The following ELP3 variants were observed in gnomAD, a reference collection of about 807,000 sequenced individuals.
The protein encoded by ELP3 is elongator complex protein 3.
In ELP3, 56 loss-of-function variants were observed where a neutral mutation model predicts 74.9. That is an observed-to-expected ratio of 0.75 (90% confidence interval 0.60 to 0.93). The LOEUF (loss-of-function observed/expected upper bound fraction) is 0.93. Among genes scored for constraint, ELP3 ranks in the 40% least tolerant of loss-of-function variants. The pLI is 0.00. For synonymous variants in ELP3, 222 were observed against 239.8 expected, an observed-to-expected ratio of 0.93 and a Z score of 0.68; for missense variants, 573 against 686.5, an observed-to-expected ratio of 0.83 and a Z score of 1.85.
chr8:28,125,759 C>CTTTTTT (rs755484214), intron 7 of ELP3, among the ~76,000 whole-genome samples: 482 of 91,850 alleles, frequency 5.2e-3, no homozygotes, highest in East Asian at 8.8e-3. Flanking sequence ...AGTCATTTCT[C>CTTTTTT]TTTTTTTTTT....
At chr8:28,092,889 A>G (rs1001497091), upstream of ELP3, 3 of 390,400 alleles carry the variant, frequency 7.7e-6, no homozygotes, top group Non-Finnish European at 1.4e-5. Context: ...CGCAGCCTCT[A>G]TCCAGGAACT....
intron 10 of ELP3, among the ~76,000 whole-genome samples, chr8:28,139,682 C>T (rs1276318352): frequency 1.3e-5 from 2 of 152,050 alleles, no homozygotes; most frequent in Non-Finnish European, 2.9e-5. Context: ...TGGTGGCTCA[C>T]GCCTGCAATC....
At chr8:28,151,476 C>T (rs1266560528) in intron 10 of ELP3, among the ~76,000 whole-genome samples, 2 of 152,118 alleles carry the variant, frequency 1.3e-5, no homozygotes, top group Admixed American at 6.6e-5. Flanking sequence ...GTATCTTTTG[C>T]CTTTTGGTAT....
intron 7 of ELP3, among the ~76,000 whole-genome samples, chr8:28,114,002 G>A (rs1450850665): frequency 3.9e-5 from 6 of 152,032 alleles, no homozygotes; most frequent in African/African-American, 2.4e-5. Context: ...CTTGTTTTTA[G>A]CAAGAAGAAT....
At chr8:28,151,764 G>GT (rs1813649887) in intron 10 of ELP3, among the ~76,000 whole-genome samples, 2 of 152,188 alleles carry the variant, frequency 1.3e-5, no homozygotes, top group Non-Finnish European at 2.9e-5. Flanking sequence ...TGGTTAACTA[G>GT]TTTCTCCTGC....
chr8:28,188,658 C>G (rs1391094371), intron 14 of ELP3, among the ~76,000 whole-genome samples: 6 of 152,242 alleles, frequency 3.9e-5, no homozygotes, highest in Non-Finnish European at 8.8e-5. Context: ...GGGACCCTCC[C>G]AGACCTCACC....
upstream of ELP3, chr8:28,092,948 C>A: frequency 3.3e-6 from 2 of 607,978 alleles, no homozygotes; most frequent in Non-Finnish European, 5.9e-6. Context: ...CCCCAAGATG[C>A]CACTCCGTTC....
chr8:28,156,478 C>T (rs1813833353), intron 11 of ELP3, among the ~76,000 whole-genome samples: 1 of 152,160 alleles, frequency 6.6e-6, no homozygotes, highest in Non-Finnish European at 1.5e-5. Flanking sequence ...CTTCTTCGCT[C>T]ACAGATATTT....
Position 28,158,627 on chromosome 8 carries a change from A to G in ELP3, c.1251A>G (p.Pro417=). Residue 417 remains proline (P), a synonymous_variant, in exon 12 of 15, where the codon CCA becomes CCG. Transcript: ENST00000256398. ...AAGAAATTCATCACAAAGTACGGCC[A>G]TACCAGGTTAGTCTCTTCATGTCAT... The part of the protein sequence containing the change: ...GIQEIHHKVR[P]YQVELVRRDY... 1 of 1,611,108 alleles carries G rather than the reference A, an allele frequency of 6.2e-7. No homozygotes were observed.
chr8:28,138,128 G>A (rs558748608), intron 10 of ELP3, among the ~76,000 whole-genome samples: 16 of 152,200 alleles, frequency 1.1e-4, no homozygotes, highest in African/African-American at 2.6e-4. Context: ...GAGCCATGAC[G>A]GTCAATAGGC....
chr8:28,189,653 C>T lies in ELP3; in HGVS notation c.1572C>T (p.Val524=), dbSNP rs767591693. ...TTAACTTCGATTTTTCTGCAGGGGT[C>T]GGCACCAGGAATTATTATAGAAAGA... The part of the protein sequence containing the change: ...GSGKIAVISG[V]GTRNYYRKIG... The change falls in exon 15 of 15, where the codon GTC becomes GTT. Residue 524 remains valine, a synonymous_variant. Transcript: ENST00000256398. The T allele has an allele frequency of 5.6e-6, 9 of 1,613,744 alleles. No individual in the cohort carries two copies. Among genetic ancestry groups the T allele is most frequent in the African/African-American group, 2.7e-5 (2 of 74,844 alleles).
intron 14 of ELP3, among the ~76,000 whole-genome samples, chr8:28,179,358 C>A (rs1814902195): frequency 6.6e-6 from 1 of 152,184 alleles, no homozygotes; most frequent in Non-Finnish European, 1.5e-5. Context: ...AGTTTGCACA[C>A]ATTGTTTTCT....
chr8:28,149,428 T>G (rs1417590584), intron 10 of ELP3, among the ~76,000 whole-genome samples: 1 of 152,252 alleles, frequency 6.6e-6, no homozygotes, highest in African/African-American at 2.4e-5. Context: ...TCAGGGACTT[T>G]GTCCATTTCA....
intron 14 of ELP3, among the ~76,000 whole-genome samples, chr8:28,167,658 G>A (rs1018472640): frequency 6.6e-6 from 1 of 152,188 alleles, no homozygotes; most frequent in African/African-American, 2.4e-5. Flanking sequence ...ACCTACACGA[G>A]TGTTAGTCTA....
intron 10 of ELP3, among the ~76,000 whole-genome samples, chr8:28,146,820 C>T (rs948844807): frequency 6.6e-6 from 1 of 152,174 alleles, no homozygotes; most frequent in African/African-American, 2.4e-5. Context: ...CTGGTATACT[C>T]GCAGCACGAT....
At chr8:28,093,365 G>A (rs1306296873) in intron 1 of ELP3, 132 bp downstream of exon 1, 20 of 1,276,074 alleles carry the variant, frequency 1.6e-5, no homozygotes, top group Non-Finnish European at 1.7e-5. Context: ...CCTAGGGTCA[G>A]TGTGTCCATT....
In ELP3 at chr8:28,186,686, G is replaced by C. The variant is rs1468635634; in HGVS notation, c.1568-2963G>C. Among the ~76,000 whole-genome samples, 4 of 152,194 alleles carry C rather than the reference G, an allele frequency of 2.6e-5. No homozygotes were observed. The East Asian group carries it at 5.8e-4, about 22-fold the overall frequency. ...TTCTGTGGAGTCCTGCGGTGGCACAGGATAGCACATGGCATCACACAGTGG... is the reference window on the plus strand; with the variant it reads ...TTCTGTGGAGTCCTGCGGTGGCACACGATAGCACATGGCATCACACAGTGG... On this transcript the variant is annotated intron_variant, in intron 14 of 14. Transcript: ENST00000256398.
At chr8:28,158,431 A>G (rs1165441864) in intron 11 of ELP3, 137 bp from the exon 12 acceptor site, 1 of 661,090 alleles carries the variant, frequency 1.5e-6, no homozygotes, top group Non-Finnish European at 2.7e-6. Context: ...TCTCACTGCA[A>G]GTTATATGCA....
intron 5 of ELP3, among the ~76,000 whole-genome samples, chr8:28,109,285 A>G (rs1215304600): frequency 6.6e-6 from 1 of 152,184 alleles, no homozygotes; most frequent in African/African-American, 2.4e-5. Context: ...CCCTCCTCAG[A>G]ACACCTCAGA....
Sources: allele counts gnomAD v4.1 joint callset (sites outside exome capture counted in the v4.1 genomes callset), GRCh38; gene constraint gnomAD v4.1.1; transcripts MANE v1.5; gene names NCBI Gene and HGNC (gene_info 2026-07-23, HGNC 2026-07-21).